Variants in PCDHGB3 observed in about 807,000 individuals in gnomAD.
The protein encoded by PCDHGB3 is protocadherin gamma subfamily B, 3, also known as protocadherin gamma-B3.
PCDHGB3 carries 40 observed loss-of-function variants against 59.2 expected under a neutral mutation model. The observed-to-expected ratio is 0.68, with a 90% CI of 0.52 to 0.88. PCDHGB3 has a LOEUF of 0.88. PCDHGB3 is among the 40% of genes least tolerant of loss of function. The pLI is 0.00. For missense variants in PCDHGB3, 1,309 were observed against 1,187.9 expected (o/e 1.10, Z -1.50); for synonymous variants, 581 against 503.6 (o/e 1.15, Z -2.06).
intron 1 of PCDHGB3, chr5:141,416,001 G>C (rs2095980823): frequency 4.0e-6 from 1 of 253,062 alleles, no homozygotes; most frequent in Non-Finnish European, 7.3e-6. Flanking sequence ...AGGCAGGTCT[G>C]GTAAGAATAG....
chr5:141,394,836 T>C (rs116789057), intron 1 of PCDHGB3: 14 of 1,613,630 alleles, frequency 8.7e-6, no homozygotes, highest in South Asian at 1.1e-5. Flanking sequence ...CCTGACCGAG[T>C]TGGGCAGTCT....
chr5:141,423,092 A>T (rs2096708373), intron 1 of PCDHGB3: 5 of 1,613,952 alleles, frequency 3.1e-6, no homozygotes, highest in South Asian at 2.2e-5. Flanking sequence ...GCGGTGGGGG[A>T]GCACACGGGC....
intron 1 of PCDHGB3, chr5:141,384,782 C>G (rs746906389): frequency 6.2e-7 from 1 of 1,613,642 alleles, no homozygotes; most frequent in Non-Finnish European, 8.5e-7. Flanking sequence ...GAGGTGCGCA[C>G]GGCTCGGGCC....
chr5:141,431,571 A>T lies in PCDHGB3; in HGVS notation c.2415+58762A>T, dbSNP rs781289120. 1.2e-6 allele frequency: 2 copies of T among 1,614,026 alleles called. No homozygotes were observed. Among genetic ancestry groups the T allele is most frequent in the African/African-American group, 1.3e-5 (1 of 74,938 alleles). On this transcript the variant is annotated intron_variant, in intron 1 of 3. Coordinates refer to ENST00000576222, the MANE Select transcript of PCDHGB3 (RefSeq NM_018924.5). This position sits in a 1 kb window ranked among gnomAD's most constrained non-coding sequence, Gnocchi z 4.8. ...GTAGTCAACGCTACCGACCCTGACG[A>T]AGGAGTCAATGCGGAAGTGAGGTAT...
intron 1 of PCDHGB3, chr5:141,410,350 A>G (rs2154543015): frequency 1.2e-6 from 2 of 1,613,912 alleles, no homozygotes; most frequent in South Asian, 1.1e-5. Context: ...TGCGCCTGCG[A>G]CGCTCTCTCA....
At chr5:141,400,168 C>T (rs1042097050) in intron 1 of PCDHGB3, 5 of 1,614,088 alleles carry the variant, frequency 3.1e-6, no homozygotes, top group Non-Finnish European at 4.2e-6. Flanking sequence ...CTCTGACCCC[C>T]AGGCTGAGCT....
chr5:141,491,529 G>C lies in PCDHGB3; in HGVS notation c.2416-3278G>C. 1 of 1,614,040 alleles carries C rather than the reference G, an allele frequency of 6.2e-7. No individual in the cohort carries two copies. The highest frequency in any genetic ancestry group is 1.1e-5 in the South Asian group (1 of 91,080). On this transcript the variant is annotated intron_variant, in intron 1 of 3. Coordinates refer to ENST00000576222, the MANE Select transcript of PCDHGB3 (RefSeq NM_018924.5). The surrounding 1 kb of genome is among the most constrained non-coding windows in gnomAD (Gnocchi z 6.9). ...GCACGCTCAAGTACATGGAGGTGACGCTGCGGCCCACAGACTCGCAGAGCC... is the reference window on the plus strand; with the variant it reads ...GCACGCTCAAGTACATGGAGGTGACCCTGCGGCCCACAGACTCGCAGAGCC...
chr5:141,415,863 G>A, intron 1 of PCDHGB3: 4 of 1,107,154 alleles, frequency 3.6e-6, no homozygotes, highest in Non-Finnish European at 4.7e-6. Flanking sequence ...GTAGTTTATA[G>A]TGTTGTTGAG....
In PCDHGB3 at chr5:141,454,796, A is replaced by ATTTTTTTTTTTTTTTTTTT. The variant is rs61612330; in HGVS notation, c.2416-40000_2416-39982dup. Among the ~76,000 whole-genome samples the ATTTTTTTTTTTTTTTTTTT allele has an allele frequency of 2.8e-4, 22 of 77,458 alleles. 2 individuals are homozygous for ATTTTTTTTTTTTTTTTTTT. Among genetic ancestry groups the ATTTTTTTTTTTTTTTTTTT allele is most frequent in the East Asian group, 4.0e-4 (1 of 2,512 alleles). The allele number at this position is 77,458 out of a possible 152,430, so 50.8% of individuals were successfully genotyped here. The stretch of plus-strand genomic sequence containing the variant: ...AAGGAAATAATCCTCCATGGTTCTA[A>ATTTTTTTTTTTTTTTTTTT]TTTTTTTTTTTTTTTTTTTTTTTTT... On this transcript the variant is annotated intron_variant, in intron 1 of 3. Coordinates refer to ENST00000576222, the MANE Select transcript of PCDHGB3 (RefSeq NM_018924.5).
At chr5:141,408,438 C>T (rs749271632) in intron 1 of PCDHGB3, 1 of 1,614,014 alleles carries the variant, frequency 6.2e-7, no homozygotes. Context: ...AGCGTAGACG[C>T]GGAGAGCGGG....
intron 1 of PCDHGB3, chr5:141,385,371 T>C: frequency 2.6e-6 from 4 of 1,529,296 alleles, no homozygotes; most frequent in Non-Finnish European, 3.5e-6. Context: ...ATTTGCATGA[T>C]ATTTCTCTAT....
chr5:141,402,942 G>A, intron 1 of PCDHGB3: 1 of 1,591,382 alleles, frequency 6.3e-7, no homozygotes, highest in Non-Finnish European at 8.6e-7. Flanking sequence ...AAATTCCAAA[G>A]CGAGGCAGCA....
At position 141,413,564 on chromosome 5, in the gene PCDHGB3, T is replaced by C. The variant is rs762044373; in HGVS notation, c.2415+40755T>C. 9 of 1,613,760 alleles carry C rather than the reference T, an allele frequency of 5.6e-6. No homozygotes were observed. The Admixed American group carries it at 1.2e-4, about 21-fold the overall frequency. ...GGGATAGAAATAGAAGTAACTGATA[T>C]CAATGACAATGCTCCAAAATTCCAA... On this transcript the variant is annotated intron_variant, in intron 1 of 3. Coordinates refer to ENST00000576222, the MANE Select transcript of PCDHGB3 (RefSeq NM_018924.5).
intron 1 of PCDHGB3, chr5:141,404,997 C>T: frequency 6.2e-7 from 1 of 1,614,034 alleles, no homozygotes; most frequent in East Asian, 2.2e-5. Flanking sequence ...CAGATCCCTG[C>T]AGACCTGGAG....
chr5:141,450,815 ATAT>A (rs1420984335), intron 1 of PCDHGB3, among the ~76,000 whole-genome samples: 6 of 126,742 alleles, frequency 4.7e-5, no homozygotes, highest in South Asian at 2.4e-4. Flanking sequence ...TATTTATTTA[ATAT>A]TATTATTATT....
chr5:141,376,559 C>T, intron 1 of PCDHGB3: 1 of 1,609,498 alleles, frequency 6.2e-7, no homozygotes, highest in Non-Finnish European at 8.5e-7. Flanking sequence ...TCCCGCAACC[C>T]AACTAATCAG....
rs1449605701 is a variant in PCDHGB3 at position 141,485,191 on chromosome 5, A to C, written c.2416-9616A>C. ...CGGCAGCAATGCTCCGCAAGGTGAG[A>C]AGCTGGACAGAAATCTGGCGGTGGG... is the stretch of plus-strand genomic sequence containing the variant. On this transcript the variant is annotated intron_variant, in intron 1 of 3. Coordinates refer to ENST00000576222, the MANE Select transcript of PCDHGB3 (RefSeq NM_018924.5). This position sits in a 1 kb window ranked among gnomAD's most constrained non-coding sequence, Gnocchi z 5.7. The C allele has an allele frequency of 6.2e-7, 1 of 1,613,836 alleles. No individual in the cohort carries two copies. The highest frequency in any genetic ancestry group is 1.3e-5 in the African/African-American group (1 of 75,042).
Position 141,370,269 on chromosome 5 carries a change from G to A in PCDHGB3, c.-126G>A, listed in dbSNP as rs1185604406. ...ACTCTCTATCAGGCTTCCTGCAGCG[G>A]AGACACCCATTAGAGAACCCAAGCA... On this transcript the variant is annotated 5_prime_UTR_variant, in exon 1 of 4. Coordinates refer to ENST00000576222, the MANE Select transcript of PCDHGB3 (RefSeq NM_018924.5). 1.3e-6 allele frequency: 1 copy of A among 783,942 alleles called. No individual in the cohort carries two copies. The highest frequency in any genetic ancestry group is 3.1e-5 in the Admixed American group (1 of 32,290). 48.6% of individuals were successfully genotyped at this position (783,942 alleles called of 1,614,324 possible). A position where few individuals can be genotyped will look rare whatever the true frequency, so the allele number is the denominator to read the frequency against.
chr5:141,495,702 T>C (rs1462896403), intron 2 of PCDHGB3, among the ~76,000 whole-genome samples: 3 of 152,212 alleles, frequency 2.0e-5, no homozygotes, highest in Non-Finnish European at 4.4e-5. Context: ...TCAATAAATG[T>C]GGAGTGAGTA....
Sources: allele counts gnomAD v4.1 joint callset (sites outside exome capture counted in the v4.1 genomes callset), GRCh38; gene constraint gnomAD v4.1.1; non-coding constraint Gnocchi (gnomAD v3.1); transcripts MANE v1.5; gene names NCBI Gene and HGNC (gene_info 2026-07-23, HGNC 2026-07-21).